The following MYO9A variants were observed in gnomAD, a reference collection of about 807,000 sequenced individuals.
The protein encoded by MYO9A is unconventional myosin-IXa.
MYO9A carries 103 observed loss-of-function variants against 293.3 expected under a neutral mutation model. That is an observed-to-expected ratio of 0.35 (90% CI 0.30 to 0.41). The LOEUF is 0.41. Among genes scored for constraint, MYO9A ranks in the 10% least tolerant of loss-of-function variants. The pLI, the probability that MYO9A is intolerant of heterozygous loss-of-function variation, is 1.00. For synonymous variants in MYO9A, 1,001 were observed against 1,035.7 expected (o/e 0.97, Z 0.64); for missense variants, 2,685 against 3,033.0 (o/e 0.89, Z 2.69).
intron 22 of MYO9A, 33 bp downstream of exon 22, chr15:71,902,908 A>G: frequency 2.1e-6 from 3 of 1,429,270 alleles, no homozygotes; most frequent in Non-Finnish European, 2.8e-6. Flanking sequence ...AAATGCACTC[A>G]ATTTTGACCA....
At chr15:71,866,240 C>T (rs574173302) in intron 32 of MYO9A, among the ~76,000 whole-genome samples, 36 of 152,272 alleles carry the variant, frequency 2.4e-4, no homozygotes, top group Admixed American at 5.2e-4. Flanking sequence ...CACTTTGAAA[C>T]GCTGGATCAT....
intron 1 of MYO9A, chr15:72,117,271 G>C (rs1392374514): frequency 6.6e-6 from 1 of 152,498 alleles, no homozygotes; most frequent in East Asian, 1.9e-4. Context: ...AAGAAGAGTA[G>C]GGCGAGGGGC....
chr15:71,830,438 C>T (rs565431667), intron 39 of MYO9A, 127 bp from the exon 40 acceptor site: 48 of 871,522 alleles, frequency 5.5e-5, no homozygotes, highest in East Asian at 2.1e-4. Context: ...AAACACTCTG[C>T]GAGGCCTAGG....
intron 4 of MYO9A, among the ~76,000 whole-genome samples, chr15:72,022,879 C>CA (rs1387414553): frequency 1.3e-5 from 2 of 151,758 alleles, no homozygotes; most frequent in African/African-American, 4.8e-5. Context: ...ACAACAACAA[C>CA]AAAAAATTAT....
At chr15:71,978,419 AAAG>A in intron 11 of MYO9A, 127 bp from the exon 12 acceptor site, 2 of 690,060 alleles carry the variant, frequency 2.9e-6, no homozygotes, top group Non-Finnish European at 4.5e-6. Context: ...CCACACAATG[AAAG>A]AATGTATAAT....
At chr15:72,060,748 A>G (rs115295162) in intron 1 of MYO9A, among the ~76,000 whole-genome samples, 197 of 152,314 alleles carry the variant, frequency 1.3e-3, no homozygotes, top group African/African-American at 4.6e-3. Context: ...ACATAAACTT[A>G]GAAGGCAGTC....
intron 8 of MYO9A, 41 bp downstream of exon 8, chr15:72,007,785 T>TA (rs763772130): frequency 1.3e-6 from 2 of 1,584,428 alleles, no homozygotes; most frequent in Non-Finnish European, 8.6e-7. Context: ...AATAAAAAGT[T>TA]ACAAAGATTT....
At chr15:71,900,116 T>C in intron 23 of MYO9A, 110 bp from the exon 24 acceptor site, 2 of 1,108,020 alleles carry the variant, frequency 1.8e-6, no homozygotes, top group South Asian at 3.4e-5. Context: ...TAAGTGGCTA[T>C]GCAGCTAAAT....
chr15:72,091,210 A>C lies in MYO9A; in HGVS notation c.-72+26470T>G, dbSNP rs995534254. 3.0e-4 allele frequency among the ~76,000 whole-genome samples: 45 copies of C among 151,940 alleles called. 2 individuals are homozygous for C. In the East Asian group the frequency reaches 6.8e-3, roughly 23 times the overall value. On this transcript the variant is annotated intron_variant, in intron 1 of 41. Coordinates refer to ENST00000356056, the MANE Select transcript of MYO9A (RefSeq NM_006901.4). ...TAAGATCTGTCTCAAAAAAAAAAAA[A>C]AGTCAACTTTCATACCTATTTTAAT...
intron 4 of MYO9A, among the ~76,000 whole-genome samples, chr15:72,025,436 T>C (rs141330048): frequency 1.8e-3 from 277 of 152,234 alleles, no homozygotes; most frequent in African/African-American, 5.8e-3. Flanking sequence ...CCTCGGCTCA[T>C]TGCAACCTCC....
intron 1 of MYO9A, among the ~76,000 whole-genome samples, chr15:72,054,756 C>A (rs1390989418): frequency 1.4e-5 from 2 of 143,438 alleles, no homozygotes; most frequent in South Asian, 2.2e-4. Flanking sequence ...GGGAACACAA[C>A]TGTATGATTA....
chr15:71,826,745 G>T lies in MYO9A; in HGVS notation c.7482C>A (p.Asn2494Lys), dbSNP rs140800180. 8 of 1,614,082 alleles carry T rather than the reference G, an allele frequency of 5.0e-6. No individual in the cohort carries two copies. Among genetic ancestry groups the T allele is most frequent in the Non-Finnish European group, 6.8e-6 (8 of 1,179,986 alleles). The change falls in exon 42 of 42, where the codon AAC becomes AAA. Residue 2494 changes from asparagine (N) to lysine (K), a missense_variant. Around this residue, in one of 10 missense-constraint regions of MYO9A, gnomAD observed 350 missense variants for 328.9 expected, o/e 1.06. Transcript: ENST00000356056. ...TTAATTTTTGTTTGCCCTTTTCCGG[G>T]TTGAAGGTTCCTCTGCTGATGAACT... The part of the protein sequence containing the change: ...KPQFISRGTF[N>K]PEKGKQKLKN...
At chr15:72,061,019 C>T (rs761579772) in intron 1 of MYO9A, among the ~76,000 whole-genome samples, 1 of 152,198 alleles carries the variant, frequency 6.6e-6, no homozygotes, top group Non-Finnish European at 1.5e-5. Flanking sequence ...AAGCACAGTC[C>T]TGATGCCCCC....
intron 1 of MYO9A, among the ~76,000 whole-genome samples, chr15:72,083,206 T>C (rs1423483659): frequency 1.3e-5 from 2 of 152,198 alleles, no homozygotes; most frequent in Admixed American, 1.3e-4. Context: ...AACTCATTAC[T>C]GACCTGTTCA....
chr15:71,897,114 GAAAC>G (rs2057353252), intron 25 of MYO9A: 2 of 198,018 alleles, frequency 1.0e-5, no homozygotes, highest in Non-Finnish European at 2.1e-5. Flanking sequence ...TTTAAAGCCT[GAAAC>G]AAACAACCTT....
intron 10 of MYO9A, 57 bp downstream of exon 10, chr15:71,994,412 C>A: frequency 9.4e-7 from 1 of 1,067,970 alleles, no homozygotes. Context: ...CATGTATTAA[C>A]CAGTTTATTA....
At chr15:71,828,799 TCTC>T (rs2054609190) in intron 40 of MYO9A, among the ~76,000 whole-genome samples, 1 of 152,138 alleles carries the variant, frequency 6.6e-6, no homozygotes, top group South Asian at 2.1e-4. Flanking sequence ...CTAACAATAT[TCTC>T]CTCTACTTTA....
intron 2 of MYO9A, chr15:72,036,512 T>C (rs1174703953): frequency 6.6e-6 from 1 of 151,514 alleles, no homozygotes; most frequent in Non-Finnish European, 1.5e-5. Context: ...CCTTTCTCTT[T>C]AGCTCCACAC....
chr15:71,895,123 G>C (rs373794610), intron 25 of MYO9A, among the ~76,000 whole-genome samples: 1 of 152,144 alleles, frequency 6.6e-6, no homozygotes, highest in African/African-American at 2.4e-5. Flanking sequence ...AGGCTTCTTA[G>C]AGATCTCCCT....
Sources: allele counts gnomAD v4.1 joint callset (sites outside exome capture counted in the v4.1 genomes callset), GRCh38; gene constraint gnomAD v4.1.1; regional missense constraint gnomAD v4.1.1; transcripts MANE v1.5; gene names NCBI Gene and HGNC (gene_info 2026-07-23, HGNC 2026-07-21).